The following STK24 variants were observed in gnomAD, a reference collection of about 807,000 sequenced individuals.
The protein encoded by STK24 is serine/threonine kinase 24, also known as serine/threonine-protein kinase 24.
STK24 carries 21 observed loss-of-function variants against 55.6 expected under a neutral mutation model. The ratio of observed to expected loss-of-function variants is 0.38; its 90% CI spans 0.27 to 0.54. The LOEUF (loss-of-function observed/expected upper bound fraction) is 0.54. Ranked by LOEUF, STK24 falls within the 20% of genes least tolerant of loss-of-function variation. STK24 has a pLI of 0.79. For synonymous variants in STK24, 200 were observed against 215.2 expected (o/e 0.93, Z 0.62); for missense variants, 383 against 538.4 (o/e 0.71, Z 2.86).
At chr13:98,456,618 C>A in intron 10 of STK24, 2 of 467,010 alleles carry the variant, frequency 4.3e-6, no homozygotes, top group Non-Finnish European at 4.4e-6. Flanking sequence ...TGAGTCCTCA[C>A]CCATAGTGCA....
intron 5 of STK24, among the ~76,000 whole-genome samples, chr13:98,474,092 A>G (rs183965628): frequency 6.6e-6 from 1 of 152,344 alleles, no homozygotes; most frequent in Admixed American, 6.5e-5. Flanking sequence ...TGCGAACTGA[A>G]GTTAAACCAG....
At chr13:98,488,340 G>A (rs1399215028) in intron 2 of STK24, among the ~76,000 whole-genome samples, 1 of 152,162 alleles carries the variant, frequency 6.6e-6, no homozygotes, top group Non-Finnish European at 1.5e-5. Context: ...CTCCCAGTCT[G>A]CGCTACTTCG....
chr13:98,465,909 G>T (rs1256632277), intron 6 of STK24, among the ~76,000 whole-genome samples: 1 of 152,244 alleles, frequency 6.6e-6, no homozygotes, highest in Non-Finnish European at 1.5e-5. Context: ...AAGTAGGCAG[G>T]AAGGGGAGGG....
At chr13:98,483,690 TG>T (rs1894693107) in intron 2 of STK24, among the ~76,000 whole-genome samples, 3 of 152,352 alleles carry the variant, frequency 2.0e-5, no homozygotes, top group South Asian at 4.1e-4. Flanking sequence ...TTTACTTCTC[TG>T]CATTTTCCAC....
chr13:98,491,083 C>T (rs1216408128), intron 2 of STK24, among the ~76,000 whole-genome samples: 4 of 152,160 alleles, frequency 2.6e-5, no homozygotes, highest in Non-Finnish European at 2.9e-5. Flanking sequence ...CCAGGCACTG[C>T]GCTGGGTTTC....
At chr13:98,506,101 C>G (rs1371504976) in intron 2 of STK24, among the ~76,000 whole-genome samples, 1 of 152,128 alleles carries the variant, frequency 6.6e-6, no homozygotes, top group African/African-American at 2.4e-5. Flanking sequence ...AAGGACTCGC[C>G]AAAACACCAA....
At position 98,457,963 on chromosome 13, in the gene STK24, C is replaced by A. The variant is rs949036460; in HGVS notation, c.1123-659G>T. Among the ~76,000 whole-genome samples the A allele has an allele frequency of 5.9e-5, 9 of 152,310 alleles. 1 individual carries two copies. In the South Asian group the frequency reaches 1.9e-3, roughly 32 times the overall value. ...TTCCTATTTCAACCATAACCTTGTACCAGAAAAGCAATTTCAAAGCCTATC... is the reference window on the plus strand; with the variant it reads ...TTCCTATTTCAACCATAACCTTGTAACAGAAAAGCAATTTCAAAGCCTATC... On this transcript the variant is annotated intron_variant, in intron 9 of 10. Coordinates refer to ENST00000539966, the MANE Select transcript of STK24 (RefSeq NM_001032296.4).
At chr13:98,531,990 C>G (rs79025641) in intron 1 of STK24, among the ~76,000 whole-genome samples, 1 of 152,210 alleles carries the variant, frequency 6.6e-6, no homozygotes, top group Admixed American at 6.5e-5. Context: ...ATGTGGGTAG[C>G]TCCCTAAACA....
rs74387455 is a variant in STK24 at position 98,489,056 on chromosome 13, C to T, written c.274-6735G>A. On this transcript the variant is annotated intron_variant, in intron 2 of 10. Coordinates refer to ENST00000539966, the MANE Select transcript of STK24 (RefSeq NM_001032296.4). ...AAAAGGTACCTTTCCGCGCAGATGACGCATGTGGCCTCAAAGCCTTAAGGC... is the reference window on the plus strand; with the variant it reads ...AAAAGGTACCTTTCCGCGCAGATGATGCATGTGGCCTCAAAGCCTTAAGGC... Among the ~76,000 whole-genome samples the T allele has an allele frequency of 1.6e-3, 238 of 152,320 alleles. 2 individuals carry two copies. The highest frequency in any genetic ancestry group is 5.2e-3 in the African/African-American group (218 of 41,572).
chr13:98,559,606 T>C, intron 1 of STK24, among the ~76,000 whole-genome samples: 1 of 152,182 alleles, frequency 6.6e-6, no homozygotes, highest in East Asian at 1.9e-4. Flanking sequence ...CCACAAAGTC[T>C]ACACTTACGT....
At chr13:98,524,001 T>G (rs1210436888) in intron 1 of STK24, among the ~76,000 whole-genome samples, 2 of 151,996 alleles carry the variant, frequency 1.3e-5, no homozygotes, top group African/African-American at 2.4e-5. Context: ...CCACAATTCT[T>G]GTTGAGCTGA....
chr13:98,506,779 A>G (rs118119721), intron 2 of STK24, among the ~76,000 whole-genome samples: 6,844 of 152,336 alleles, frequency 0.045, 223 homozygotes, highest in South Asian at 0.11. Flanking sequence ...GTTAGGCAAG[A>G]ATTTCTCCTG....
intron 1 of STK24, among the ~76,000 whole-genome samples, chr13:98,538,295 G>A (rs1363530530): frequency 7.6e-6 from 1 of 131,786 alleles, no homozygotes; most frequent in East Asian, 2.3e-4. Context: ...GCATGATCTC[G>A]ATCACTGAAA....
Position 98,449,261 on chromosome 13 carries a change from C to T in STK24, c.*3912G>A, listed in dbSNP as rs536203537. The T allele has an allele frequency of 1.3e-5, 2 of 152,358 alleles. No individual in the cohort carries two copies. The highest frequency in any genetic ancestry group is 3.9e-4 in the East Asian group (2 of 5,188). 9.4% of individuals were successfully genotyped at this position (152,358 alleles called of 1,614,324 possible). On this transcript the variant is annotated 3_prime_UTR_variant, in exon 11 of 11. Transcript: ENST00000539966. ...GCACCTGTCGTTATTCCTATATCCT[C>T]CTGCAACTGTGGTTTGAAACTGCGC...
intron 2 of STK24, among the ~76,000 whole-genome samples, chr13:98,495,705 T>C (rs1196702364): frequency 6.6e-6 from 1 of 152,236 alleles, no homozygotes; most frequent in Non-Finnish European, 1.5e-5. Context: ...CTCGGACACA[T>C]TTCAAAGCAG....
chr13:98,475,452 G>A, intron 3 of STK24, 94 bp from the exon 4 acceptor site: 3 of 834,888 alleles, frequency 3.6e-6, no homozygotes, highest in Middle Eastern at 3.7e-4. Flanking sequence ...TAATGGACAA[G>A]GGTAATTAAA....
At position 98,467,208 on chromosome 13, in the gene STK24, T is replaced by C. The variant is rs555135342; in HGVS notation, c.598-647A>G. The stretch of plus-strand genomic sequence containing the variant: ...AATATAATGCATCCTCATCTACCTA[T>C]TGCATGAATTTACTAATTAACATTT... On this transcript the variant is annotated intron_variant, in intron 5 of 10. Transcript: ENST00000539966. 1.6e-3 allele frequency among the ~76,000 whole-genome samples: 241 copies of C among 152,304 alleles called. 4 individuals carry two copies. The South Asian group carries it at 0.017, about 11-fold the overall frequency.
intron 1 of STK24, chr13:98,543,097 C>G: frequency 1.1e-6 from 1 of 874,556 alleles, no homozygotes; most frequent in Non-Finnish European, 1.4e-6. Context: ...CAGCTCCGCT[C>G]CGGCTGGGAG....
At chr13:98,460,736 A>G (rs1157895563) in intron 8 of STK24, among the ~76,000 whole-genome samples, 1 of 152,160 alleles carries the variant, frequency 6.6e-6, no homozygotes, top group Non-Finnish European at 1.5e-5. Flanking sequence ...TCGTCTTGCT[A>G]TCTACGCAGA....
Sources: allele counts gnomAD v4.1 joint callset (sites outside exome capture counted in the v4.1 genomes callset), GRCh38; gene constraint gnomAD v4.1.1; transcripts MANE v1.5; gene names NCBI Gene and HGNC (gene_info 2026-07-23, HGNC 2026-07-21).